MEIS1: variants seen among roughly 807,000 people sequenced by gnomAD.
MEIS1 encodes the protein homeobox protein Meis1.
A neutral mutation model predicts 50.8 loss-of-function variants in MEIS1; 5 were observed. The observed-to-expected ratio is 0.10, with a 90% CI of 0.05 to 0.21. The LOEUF (loss-of-function observed/expected upper bound fraction) is 0.21. MEIS1 is among the 10% of genes least tolerant of loss of function. MEIS1 has a pLI of 1.00. For synonymous variants in MEIS1, 176 were observed against 179.3 expected, an observed-to-expected ratio of 0.98 and a Z score of 0.15; for missense variants, 318 against 517.3, an observed-to-expected ratio of 0.61 and a Z score of 3.74.
chr2:66,437,475 G>A, intron 1 of MEIS1: 2 of 482,818 alleles, frequency 4.1e-6, no homozygotes, highest in South Asian at 6.2e-5. Context: ...TGCCAAAGGA[G>A]CCTGAATTTC....
intron 7 of MEIS1, among the ~76,000 whole-genome samples, chr2:66,491,055 G>A (rs1457161444): frequency 6.6e-6 from 1 of 151,054 alleles, no homozygotes; most frequent in African/African-American, 2.5e-5. Flanking sequence ...AAAAAAAATG[G>A]AGAAATGTAT....
chr2:66,552,100 T>C (rs1417769071), intron 9 of MEIS1, among the ~76,000 whole-genome samples: 2 of 151,988 alleles, frequency 1.3e-5, no homozygotes, highest in Non-Finnish European at 2.9e-5. Flanking sequence ...ACCAACTTAA[T>C]TTTTTTATAT....
At chr2:66,478,361 A>T (rs935482757) in intron 7 of MEIS1, among the ~76,000 whole-genome samples, 3 of 152,192 alleles carry the variant, frequency 2.0e-5, no homozygotes, top group African/African-American at 7.2e-5. Flanking sequence ...CATTATGTGG[A>T]TCAGAGTCAT....
intron 6 of MEIS1, among the ~76,000 whole-genome samples, chr2:66,452,109 T>G (rs1672290203): frequency 6.6e-6 from 1 of 151,916 alleles, no homozygotes; most frequent in Non-Finnish European, 1.5e-5. Flanking sequence ...TACAATTAAT[T>G]AGGCATTTTG....
rs537441437 is a variant in MEIS1 at position 66,566,158 on chromosome 2, A to G, written c.966-1295A>G. ...ATATGTATTGCCAACAAGAATTAGC[A>G]CAAACAGTATACCTTTTAGTTAGAT... is the stretch of plus-strand genomic sequence containing the variant. On this transcript the variant is annotated intron_variant, in intron 9 of 12. Transcript: ENST00000272369. 2.0e-5 allele frequency among the ~76,000 whole-genome samples: 3 copies of G among 152,360 alleles called. No individual in the cohort carries two copies. The South Asian group carries it at 6.2e-4, about 32-fold the overall frequency.
At chr2:66,463,998 G>A (rs1672579465) in intron 6 of MEIS1, 111 bp from the exon 7 acceptor site, 3 of 715,416 alleles carry the variant, frequency 4.2e-6, no homozygotes, top group East Asian at 2.7e-5. Flanking sequence ...TGGGAAAGGT[G>A]GCATGGTTAT....
intron 10 of MEIS1, 135 bp from the exon 11 acceptor site, chr2:66,568,532 T>TATA: frequency 2.5e-6 from 1 of 392,562 alleles, no homozygotes; most frequent in South Asian, 6.9e-5. Context: ...AATTTCACTT[T>TATA]GAATGTTTAA....
At chr2:66,506,073 T>C (rs1429568055) in intron 7 of MEIS1, among the ~76,000 whole-genome samples, 3 of 152,248 alleles carry the variant, frequency 2.0e-5, no homozygotes, top group Admixed American at 2.0e-4. Context: ...GTTTGTACAC[T>C]GTACACTGGA....
chr2:66,459,106 T>G (rs561638154), intron 6 of MEIS1, among the ~76,000 whole-genome samples: 5 of 152,210 alleles, frequency 3.3e-5, no homozygotes, highest in South Asian at 4.2e-4. Context: ...CAGCAGAGCC[T>G]CACTCATCCA....
intron 7 of MEIS1, among the ~76,000 whole-genome samples, chr2:66,500,620 T>G (rs1415246920): frequency 6.6e-6 from 1 of 152,088 alleles, no homozygotes; most frequent in East Asian, 1.9e-4. Context: ...AGGCAGAGTT[T>G]CACCATCTTG....
chr2:66,479,257 T>C (rs1672963866), intron 7 of MEIS1, among the ~76,000 whole-genome samples: 1 of 152,242 alleles, frequency 6.6e-6, no homozygotes, highest in South Asian at 2.1e-4. Flanking sequence ...GCAGTTGAGC[T>C]GATAAGGGCT....
chr2:66,555,278 CTCG>C (rs1558562196), intron 9 of MEIS1, among the ~76,000 whole-genome samples: 1 of 24,676 alleles, frequency 4.1e-5, no homozygotes, highest in East Asian at 0.1. Flanking sequence ...CTCTCTCTCT[CTCG>C]TCTCTCTCCA....
chr2:66,464,445 T>C (rs1672589359), intron 7 of MEIS1, among the ~76,000 whole-genome samples: 1 of 152,232 alleles, frequency 6.6e-6, no homozygotes, highest in African/African-American at 2.4e-5. Context: ...GGTAGTGAAT[T>C]GACTCAGGGC....
At chr2:66,512,490 C>T (rs1378606788) in intron 8 of MEIS1, among the ~76,000 whole-genome samples, 196 bp downstream of exon 8, 7 of 152,144 alleles carry the variant, frequency 4.6e-5, no homozygotes, top group South Asian at 2.1e-4. Flanking sequence ...TTAAAATTCA[C>T]GATTGCGATT....
At chr2:66,505,370 C>T (rs887806874) in intron 7 of MEIS1, among the ~76,000 whole-genome samples, 1 of 151,936 alleles carries the variant, frequency 6.6e-6, no homozygotes, top group Non-Finnish European at 1.5e-5. Context: ...CATGCCACTA[C>T]AGTACAGTAT....
chr2:66,535,992 T>A (rs1674508634), intron 8 of MEIS1, among the ~76,000 whole-genome samples: 1 of 152,202 alleles, frequency 6.6e-6, no homozygotes, highest in Admixed American at 6.5e-5. Context: ...TAAAGGTAAA[T>A]TGCATTTGAA....
At chr2:66,557,244 G>A (rs1354848785) in intron 9 of MEIS1, among the ~76,000 whole-genome samples, 4 of 152,102 alleles carry the variant, frequency 2.6e-5, no homozygotes, top group Admixed American at 2.6e-4. Context: ...GCTTCTTCCA[G>A]TCCACTAGAA....
intron 7 of MEIS1, among the ~76,000 whole-genome samples, chr2:66,485,522 C>G (rs966430051): frequency 1.3e-5 from 2 of 152,092 alleles, no homozygotes; most frequent in African/African-American, 4.8e-5. Flanking sequence ...GGGTTGGTTC[C>G]AAGTCTTTGC....
At chr2:66,536,722 C>T (rs899040284) in intron 8 of MEIS1, among the ~76,000 whole-genome samples, 1 of 152,282 alleles carries the variant, frequency 6.6e-6, no homozygotes, top group African/African-American at 2.4e-5. Flanking sequence ...TTATAAACAG[C>T]AGCTAAGTGG....
Sources: gnomAD v4.1 joint callset for allele counts (sites outside exome capture counted in the v4.1 genomes callset) on GRCh38, gnomAD v4.1.1 for gene constraint, MANE v1.5 for transcripts, NCBI Gene and HGNC (gene_info 2026-07-23, HGNC 2026-07-21) for gene names.